Variants in PCOLCE2 observed in about 807,000 individuals in gnomAD.
The protein encoded by PCOLCE2 is procollagen C-endopeptidase enhancer 2, also known as procollagen C-proteinase enhancer 2.
PCOLCE2 carries 42 observed loss-of-function variants against 47.0 expected under a neutral mutation model. That is an observed-to-expected ratio of 0.89 (90% CI 0.70 to 1.16). PCOLCE2 has a LOEUF of 1.16. Ranked by LOEUF, PCOLCE2 falls within the 50% of genes most tolerant of loss-of-function variation. The pLI, the probability that PCOLCE2 is intolerant of heterozygous loss-of-function variation, is 0.00. For synonymous variants in PCOLCE2, 169 were observed against 191.7 expected, an observed-to-expected ratio of 0.88 and a Z score of 0.98; for missense variants, 500 against 526.1, an observed-to-expected ratio of 0.95 and a Z score of 0.49.
intron 2 of PCOLCE2, among the ~76,000 whole-genome samples, chr3:142,880,898 C>T (rs1216423679): frequency 6.6e-6 from 1 of 152,190 alleles, no homozygotes; most frequent in African/African-American, 2.4e-5. Flanking sequence ...GGGTCATACT[C>T]TTTGCACGAA....
intron 2 of PCOLCE2, among the ~76,000 whole-genome samples, chr3:142,873,838 A>C (rs1933445214): frequency 6.6e-6 from 1 of 152,226 alleles, no homozygotes; most frequent in Non-Finnish European, 1.5e-5. Flanking sequence ...AACTAGAGAC[A>C]TAGCAGGGGA....
chr3:142,860,935 C>T (rs1933170904), intron 2 of PCOLCE2, among the ~76,000 whole-genome samples: 2 of 152,206 alleles, frequency 1.3e-5, no homozygotes, highest in Admixed American at 1.3e-4. Flanking sequence ...AATTCAGGAA[C>T]CCCCATTCCC....
intron 2 of PCOLCE2, among the ~76,000 whole-genome samples, chr3:142,854,761 T>A (rs1933032952): frequency 6.6e-6 from 1 of 152,142 alleles, no homozygotes; most frequent in South Asian, 2.1e-4. Context: ...TCACCTTAAT[T>A]ATAGTTCACA....
At chr3:142,884,640 C>G (rs1464287518) in intron 2 of PCOLCE2, among the ~76,000 whole-genome samples, 1 of 152,188 alleles carries the variant, frequency 6.6e-6, no homozygotes, top group African/African-American at 2.4e-5. Context: ...TTAAGGCCAT[C>G]AACTCTTGGT....
intron 6 of PCOLCE2, among the ~76,000 whole-genome samples, chr3:142,829,285 A>T (rs898111387): frequency 6.6e-6 from 1 of 151,976 alleles, no homozygotes; most frequent in African/African-American, 2.4e-5. Flanking sequence ...GAGAAGCAAA[A>T]AAAAAAACCA....
intron 6 of PCOLCE2, chr3:142,827,052 A>G: frequency 9.8e-7 from 1 of 1,021,640 alleles, no homozygotes; most frequent in Non-Finnish European, 1.5e-6. Flanking sequence ...GATGACTCTT[A>G]CTTTTTTTTG....
intron 2 of PCOLCE2, among the ~76,000 whole-genome samples, chr3:142,854,592 T>G (rs1021943288): frequency 6.6e-6 from 1 of 152,204 alleles, no homozygotes; most frequent in Non-Finnish European, 1.5e-5. Context: ...TTTGAACATT[T>G]TCTTTTGTTT....
chr3:142,868,240 T>G (rs1272182535), intron 2 of PCOLCE2, among the ~76,000 whole-genome samples: 3 of 152,078 alleles, frequency 2.0e-5, no homozygotes, highest in African/African-American at 7.2e-5. Context: ...ACTTTTGGCC[T>G]CCAAGGACCA....
intron 2 of PCOLCE2, among the ~76,000 whole-genome samples, chr3:142,882,571 G>A (rs1933645389): frequency 6.6e-6 from 1 of 151,730 alleles, no homozygotes; most frequent in Admixed American, 6.6e-5. Flanking sequence ...TTTTATGTTT[G>A]TTTATCATTA....
chr3:142,888,891 C>CCT lies in PCOLCE2; in HGVS notation c.4_5dup (p.Asn5ArgfsTer67). ...AGAGTGGCGCCCAGGCGTTCGCGCC[C>CCT]CTCATGGCAGCGTAGACGCTCGGGG... On this transcript the variant is annotated frameshift_variant, in exon 1 of 9. Transcript: ENST00000295992. LOFTEE classifies it high-confidence loss of function. The CCT allele has an allele frequency of 6.7e-7, 1 of 1,502,592 alleles. No homozygotes were observed. 93.1% of individuals were successfully genotyped at this position (1,502,592 alleles called of 1,614,324 possible).
intron 6 of PCOLCE2, chr3:142,827,449 G>A: frequency 1.3e-6 from 2 of 1,557,124 alleles, no homozygotes; most frequent in Non-Finnish European, 1.8e-6. Context: ...TGGTCTCAGG[G>A]TTGTGGGAGA....
Position 142,842,864 on chromosome 3 carries a change from GCC to G in PCOLCE2, c.573+58_573+59del. 1.9e-6 allele frequency: 3 copies of G among 1,570,418 alleles called. No individual in the cohort carries two copies. In the South Asian group the frequency reaches 3.4e-5, roughly 18 times the overall value. On this transcript the variant is annotated intron_variant, in intron 4 of 8. Transcript: ENST00000295992. This position sits in a 1 kb window ranked among gnomAD's most constrained non-coding sequence, Gnocchi z 4.1. ...ACAGGAGGCTCTTGAGAGTTGGTGG[GCC>G]CCCCACACTGGGCAATTCACACATG...
At chr3:142,888,756 C>A in intron 1 of PCOLCE2, 58 bp downstream of exon 1, 1 of 1,051,948 alleles carries the variant, frequency 9.5e-7, no homozygotes, top group Non-Finnish European at 1.3e-6. Flanking sequence ...GCAGGCGAGG[C>A]TGCAGGGGTG....
At chr3:142,848,881 C>T (rs933719298) in intron 2 of PCOLCE2, among the ~76,000 whole-genome samples, 2 of 152,148 alleles carry the variant, frequency 1.3e-5, no homozygotes, top group East Asian at 1.9e-4. Flanking sequence ...TGGCCAGGCA[C>T]AGTGGCTCAC....
intron 2 of PCOLCE2, among the ~76,000 whole-genome samples, chr3:142,885,314 G>A (rs1290457971): frequency 2.6e-5 from 4 of 152,206 alleles, no homozygotes; most frequent in South Asian, 2.1e-4. Flanking sequence ...CCCAGCTACA[G>A]GAACTACAGT....
intron 2 of PCOLCE2, among the ~76,000 whole-genome samples, chr3:142,863,096 C>CAAAAAAAAAAAAAAAAAAAAA (rs35383176): frequency 1.2e-5 from 1 of 85,992 alleles, no homozygotes; most frequent in Non-Finnish European, 2.2e-5. Context: ...GTCTGGCAGG[C>CAAAAAAAAAAAAAAAAAAAAA]AAAAAAAAAA....
intron 2 of PCOLCE2, among the ~76,000 whole-genome samples, chr3:142,886,078 G>A (rs1933712943): frequency 6.6e-6 from 1 of 152,200 alleles, no homozygotes; most frequent in African/African-American, 2.4e-5. Context: ...TTTGAATCCA[G>A]GGAAGTGACT....
At chr3:142,835,567 T>C (rs375035271) in intron 5 of PCOLCE2, among the ~76,000 whole-genome samples, 14 of 152,342 alleles carry the variant, frequency 9.2e-5, no homozygotes, top group African/African-American at 3.4e-4. Context: ...TTTGTATTTA[T>C]ATTGATTACA....
At chr3:142,831,614 A>G (rs1486256972) in intron 5 of PCOLCE2, among the ~76,000 whole-genome samples, 1 of 152,132 alleles carries the variant, frequency 6.6e-6, no homozygotes, top group Non-Finnish European at 1.5e-5. Flanking sequence ...TTTGAAAAAC[A>G]CTCCCATTAA....
Sources: gnomAD v4.1 joint callset for allele counts (sites outside exome capture counted in the v4.1 genomes callset) on GRCh38, gnomAD v4.1.1 for gene constraint, Gnocchi (gnomAD v3.1) non-coding constraint, MANE v1.5 for transcripts, NCBI Gene and HGNC (gene_info 2026-07-23, HGNC 2026-07-21) for gene names.